SAMSN1: variants seen among roughly 807,000 people sequenced by gnomAD.
SAMSN1 encodes SAM domain-containing protein SAMSN-1.
Under a neutral mutation model 42.0 loss-of-function variants are expected in SAMSN1, and 31 were observed. That is an observed-to-expected ratio of 0.74 (90% CI 0.55 to 1.00). The LOEUF (loss-of-function observed/expected upper bound fraction) is 1.00, where lower values mean the gene tolerates loss of function less well. SAMSN1 is among the 50% of genes least tolerant of loss of function. SAMSN1 has a pLI of 0.00. For missense variants in SAMSN1, 464 were observed against 439.4 expected, an observed-to-expected ratio of 1.06 and a Z score of -0.50; for synonymous variants, 178 against 151.9, an observed-to-expected ratio of 1.17 and a Z score of -1.26.
chr21:14,491,849 A>T (rs1048574387), intron 7 of SAMSN1, among the ~76,000 whole-genome samples: 3 of 152,204 alleles, frequency 2.0e-5, no homozygotes, highest in Admixed American at 2.0e-4. Flanking sequence ...AGATATGATA[A>T]AAAACTAATC....
intron 7 of SAMSN1, among the ~76,000 whole-genome samples, chr21:14,591,108 C>T (rs796827679): frequency 3.3e-5 from 5 of 152,068 alleles, no homozygotes; most frequent in African/African-American, 1.2e-4. Context: ...GGGAAAATTG[C>T]CATGTTGACA....
chr21:14,582,385 T>C lies in SAMSN1; in HGVS notation c.12A>G (p.Arg4=), dbSNP rs902587356. The C allele has an allele frequency of 5.8e-6, 9 of 1,550,178 alleles. No individual in the cohort carries two copies. In the African/African-American group the frequency reaches 1.2e-4, roughly 21 times the overall value. ...CCAGTGATGCAGAAAGAGTATCCAA[T>C]CTAATCTCCATTTCTTCCTTCCTCC... The change falls in exon 2 of 9, where the codon AGA becomes AGG. Residue 4 remains arginine, a synonymous_variant. Transcript: ENST00000285670.
intron 2 of SAMSN1, among the ~76,000 whole-genome samples, chr21:14,556,275 C>T (rs1980759052): frequency 6.6e-6 from 1 of 152,088 alleles, no homozygotes; most frequent in Non-Finnish European, 1.5e-5. Flanking sequence ...CTTCTTAAAA[C>T]AATCAAAAGC....
chr21:14,507,964 C>A (rs112196536), intron 5 of SAMSN1, among the ~76,000 whole-genome samples: 4 of 152,160 alleles, frequency 2.6e-5, no homozygotes, highest in Admixed American at 1.3e-4. Context: ...GGAAAGGACA[C>A]CCTTTTCAAC....
intron 2 of SAMSN1, among the ~76,000 whole-genome samples, chr21:14,622,471 G>A (rs188069753): frequency 1.1e-3 from 160 of 152,314 alleles, no homozygotes; most frequent in African/African-American, 2.9e-3. Flanking sequence ...ACTACGTGAC[G>A]AATCCACAAG....
chr21:14,623,913 T>G (rs1006331581), intron 2 of SAMSN1, among the ~76,000 whole-genome samples: 2 of 152,056 alleles, frequency 1.3e-5, no homozygotes, highest in African/African-American at 4.8e-5. Flanking sequence ...GAAAAGAAAT[T>G]ATAACAAACT....
At chr21:14,603,935 T>C (rs957427490) in intron 5 of SAMSN1, among the ~76,000 whole-genome samples, 1 of 152,104 alleles carries the variant, frequency 6.6e-6, no homozygotes, top group African/African-American at 2.4e-5. Flanking sequence ...TATACAAATA[T>C]ACGGATTTTA....
chr21:14,651,901 A>G (rs1235521496), intron 1 of SAMSN1, among the ~76,000 whole-genome samples: 1 of 152,064 alleles, frequency 6.6e-6, no homozygotes, highest in Non-Finnish European at 1.5e-5. Flanking sequence ...AAAAGAAATT[A>G]AAAAGTAATC....
rs993332843 is a variant in SAMSN1, at chr21:14,624,070, G to A, written c.157-8054C>T. ...GAAGGCAAAAAGAAAGATGTTCTTTGAAACCAATGAGAACAAAGACACAAC... is the reference window on the plus strand; with the variant it reads ...GAAGGCAAAAAGAAAGATGTTCTTTAAAACCAATGAGAACAAAGACACAAC... On this transcript the variant is annotated intron_variant, in intron 2 of 15. Transcript: ENST00000647101. Among the ~76,000 whole-genome samples, 11 of 152,160 alleles carry A rather than the reference G, an allele frequency of 7.2e-5. No homozygotes were observed. In the East Asian group the frequency reaches 1.9e-3, roughly 27 times the overall value.
At chr21:14,603,717 T>C (rs1200796651) in intron 5 of SAMSN1, among the ~76,000 whole-genome samples, 1 of 152,178 alleles carries the variant, frequency 6.6e-6, no homozygotes, top group Non-Finnish European at 1.5e-5. Context: ...CATAAACCAT[T>C]AGACCAATGT....
chr21:14,609,450 G>T (rs1414537490), intron 5 of SAMSN1: 2 of 716,998 alleles, frequency 2.8e-6, no homozygotes, highest in Admixed American at 4.0e-5. Context: ...TTGGGAAAAT[G>T]CAAAGTCAGC....
chr21:14,546,364 G>A (rs1980394446), upstream of SAMSN1: 10 of 1,515,634 alleles, frequency 6.6e-6, no homozygotes, highest in Non-Finnish European at 8.8e-6. Flanking sequence ...AGATAAGGTT[G>A]AGCCCAGGGA....
rs556994573 is a variant in SAMSN1 at position 14,605,684 on chromosome 21, AATTAGGTTTC to A, written c.323-3595_323-3586del. 7.6e-4 allele frequency among the ~76,000 whole-genome samples: 116 copies of A among 152,240 alleles called. 1 individual carries two copies. In the South Asian group the frequency reaches 8.3e-3, roughly 11 times the overall value. ...GATATTGACTAGAATTCAGGAGAGAAATTAGGTTTCAAACCAATGGTAATTCAAATGGTGG... is the reference window on the plus strand; with the variant it reads ...GATATTGACTAGAATTCAGGAGAGAAAAACCAATGGTAATTCAAATGGTGG... On this transcript the variant is annotated intron_variant, in intron 5 of 15. Coordinates refer to the SAMSN1 transcript ENST00000647101.
intron 2 of SAMSN1, among the ~76,000 whole-genome samples, chr21:14,633,660 C>T (rs1983387286): frequency 6.6e-6 from 1 of 152,158 alleles, no homozygotes; most frequent in Admixed American, 6.5e-5. Context: ...GGTAGTTCTA[C>T]CCTTCAGTTG....
intron 1 of SAMSN1, among the ~76,000 whole-genome samples, chr21:14,645,766 A>C (rs1983701635): frequency 6.6e-6 from 1 of 152,240 alleles, no homozygotes; most frequent in African/African-American, 2.4e-5. Flanking sequence ...TCAAAATAAC[A>C]CGGATAAGGA....
At chr21:14,615,891 A>G (rs1035789157) in intron 3 of SAMSN1, 3 of 339,200 alleles carry the variant, frequency 8.8e-6, no homozygotes, top group African/African-American at 6.7e-5. Context: ...AAAAAAAAGT[A>G]CTTTGGCACG....
rs193147410 is a variant in SAMSN1, at chr21:14,627,242, G to A, written c.157-11226C>T. On this transcript the variant is annotated intron_variant, in intron 2 of 15. Transcript: ENST00000647101. The stretch of plus-strand genomic sequence containing the variant: ...GTATACATATGTAACAAACCTGCAC[G>A]TTGTGCACATGTACCCTAGAACTTA... 6.8e-3 allele frequency among the ~76,000 whole-genome samples: 1,022 copies of A among 149,910 alleles called. 6 individuals carry two copies. The highest frequency in any genetic ancestry group is 0.015 in the African/African-American group (594 of 40,604).
intron 2 of SAMSN1, among the ~76,000 whole-genome samples, chr21:14,616,886 C>T (rs917675947): frequency 1.3e-5 from 2 of 152,154 alleles, no homozygotes; most frequent in Non-Finnish European, 2.9e-5. Context: ...TTATTCAGGT[C>T]GTTAATAGTA....
upstream of SAMSN1, among the ~76,000 whole-genome samples, chr21:14,586,142 G>A (rs1048848471): frequency 3.3e-4 from 50 of 150,110 alleles, no homozygotes; most frequent in Admixed American, 1.6e-3. Flanking sequence ...ATGCACCTGT[G>A]ATCCCAGCTA....
Sources: allele counts gnomAD v4.1 joint callset (sites outside exome capture counted in the v4.1 genomes callset), GRCh38; gene constraint gnomAD v4.1.1; transcripts MANE v1.5; gene names NCBI Gene and HGNC (gene_info 2026-07-23, HGNC 2026-07-21).